The following ADGRV1 variants were observed in gnomAD, a reference collection of about 807,000 sequenced individuals.
ADGRV1 encodes adhesion G protein-coupled receptor V1.
Under a neutral mutation model 596.2 loss-of-function variants are expected in ADGRV1, and 359 were observed. The ratio of observed to expected loss-of-function variants is 0.60; its 90% CI spans 0.55 to 0.66. The LOEUF (loss-of-function observed/expected upper bound fraction) is 0.66, where lower values mean the gene tolerates loss of function less well. Ranked by LOEUF, ADGRV1 falls within the 30% of genes least tolerant of loss-of-function variation. The pLI, the probability that ADGRV1 is intolerant of heterozygous loss-of-function variation, is 0.00. For missense variants in ADGRV1, 7,274 were observed against 7,575.6 expected (o/e 0.96, Z 1.48); for synonymous variants, 2,681 against 2,679.2 (o/e 1.00, Z -0.02).
intron 85 of ADGRV1, among the ~76,000 whole-genome samples, chr5:91,066,491 G>C (rs1435286247): frequency 6.6e-6 from 1 of 152,104 alleles, no homozygotes; most frequent in African/African-American, 2.4e-5. Flanking sequence ...TACAGCAGTA[G>C]AAATTTTATT....
At position 90,811,045 on chromosome 5, in the gene ADGRV1, T is replaced by A. The variant is rs1561782766; in HGVS notation, c.15785T>A (p.Phe5262Tyr). Residue 5262 changes from phenylalanine (F) to tyrosine (Y), a missense_variant, in exon 74 of 90, where the codon TTC (phenylalanine) becomes TAC (tyrosine). By Grantham distance (22) the Phe-to-Tyr change is conservative. Coordinates refer to ENST00000405460, the MANE Select transcript of ADGRV1 (RefSeq NM_032119.4). ...AATGTCAGCATAACAGTTAAAACTT[T>A]CGGTGAAAGATGTGCTCAGATGGAA... ...TGNVSITVKT[F>Y]GERCAQMEPN... 6.2e-7 allele frequency: 1 copy of A among 1,614,032 alleles called. No homozygotes were observed. Among genetic ancestry groups the A allele is most frequent in the Non-Finnish European group, 8.5e-7 (1 of 1,179,904 alleles).
At chr5:91,096,937 T>C (rs1380557853) in intron 86 of ADGRV1, among the ~76,000 whole-genome samples, 1 of 152,222 alleles carries the variant, frequency 6.6e-6, no homozygotes, top group East Asian at 1.9e-4. Context: ...AATTTGCCTA[T>C]TCTAGGCACC....
At chr5:90,787,216 T>C (rs1447676059) in intron 67 of ADGRV1, among the ~76,000 whole-genome samples, 1 of 152,216 alleles carries the variant, frequency 6.6e-6, no homozygotes, top group Non-Finnish European at 1.5e-5. Flanking sequence ...CCCAATGTTC[T>C]TTCTTTGTAG....
Position 91,159,001 on chromosome 5 carries a change from G to A in ADGRV1, c.18803-4781G>A, listed in dbSNP as rs114398876. On this transcript the variant is annotated intron_variant, in intron 89 of 89. Transcript: ENST00000405460. ...CTCCCTTACAATTCATCATCTTTCA[G>A]TTAGGAATAATGTTCAGATATTCAA... Among the ~76,000 whole-genome samples, 840 of 152,240 alleles carry A rather than the reference G, an allele frequency of 5.5e-3. 9 individuals carry two copies. The highest frequency in any genetic ancestry group is 0.019 in the African/African-American group (805 of 41,524).
At chr5:91,125,137 G>C (rs1793639141) in intron 87 of ADGRV1, among the ~76,000 whole-genome samples, 1 of 152,172 alleles carries the variant, frequency 6.6e-6, no homozygotes, top group Admixed American at 6.5e-5. Context: ...GTCACACACT[G>C]CCTTTCTTTC....
At chr5:90,677,765 G>T (rs187587918) in intron 25 of ADGRV1, among the ~76,000 whole-genome samples, 1 of 152,158 alleles carries the variant, frequency 6.6e-6, no homozygotes, top group Non-Finnish European at 1.5e-5. Context: ...TTGCAGTTGC[G>T]TAGGAAGCAA....
At chr5:91,039,094 TAA>T (rs1785130905) in intron 85 of ADGRV1, among the ~76,000 whole-genome samples, 1 of 152,216 alleles carries the variant, frequency 6.6e-6, no homozygotes. Context: ...TTCCAATATA[TAA>T]GTTATTCCTT....
At chr5:90,758,679 G>C (rs987112792) in intron 57 of ADGRV1, among the ~76,000 whole-genome samples, 1 of 152,140 alleles carries the variant, frequency 6.6e-6, no homozygotes, top group African/African-American at 2.4e-5. Flanking sequence ...TTAAATTAAA[G>C]ATTTTAGGTA....
At chr5:90,929,909 A>AT (rs1279700485) in intron 83 of ADGRV1, among the ~76,000 whole-genome samples, 7 of 152,280 alleles carry the variant, frequency 4.6e-5, no homozygotes, top group African/African-American at 1.7e-4. Context: ...TTAAGAAATC[A>AT]TTTTTAAGAA....
intron 72 of ADGRV1, among the ~76,000 whole-genome samples, chr5:90,805,692 A>G (rs563099861): frequency 1.3e-5 from 2 of 152,340 alleles, no homozygotes; most frequent in South Asian, 2.1e-4. Context: ...TCACTAAGCA[A>G]ACTACTCTGT....
chr5:90,689,454 A>G (rs1352978181), intron 29 of ADGRV1, among the ~76,000 whole-genome samples: 2 of 149,564 alleles, frequency 1.3e-5, no homozygotes, highest in African/African-American at 5.0e-5. Flanking sequence ...TAGCGTTCCC[A>G]TATCTGTGCA....
intron 78 of ADGRV1, among the ~76,000 whole-genome samples, chr5:90,844,602 T>A (rs1311823784): frequency 1.3e-5 from 2 of 152,208 alleles, no homozygotes; most frequent in African/African-American, 2.4e-5. Flanking sequence ...AAAACCCCCC[T>A]GAATCTGATA....
chr5:90,683,030 C>T (rs998587903), intron 27 of ADGRV1, among the ~76,000 whole-genome samples: 1 of 152,174 alleles, frequency 6.6e-6, no homozygotes, highest in East Asian at 1.9e-4. Flanking sequence ...GAAATATATA[C>T]CATTTTTGCA....
rs1305870988 is a variant in ADGRV1, at chr5:90,811,300, A to G, written c.16040A>G (p.Asp5347Gly). 1.2e-6 allele frequency: 2 copies of G among 1,610,188 alleles called. No individual in the cohort carries two copies. The highest frequency in any genetic ancestry group is 1.3e-5 in the African/African-American group (1 of 74,940). The stretch of plus-strand genomic sequence containing the variant: ...GCACAGATTGTGGAGGAGAAGGATG[A>G]TACTGGATTTGCAGCTTTTGCCATG... Reference protein sequence around the residue: ...GGAQIVEEKDDTGFAAFAMVI... With the variant: ...GGAQIVEEKDGTGFAAFAMVI... The change falls in exon 74 of 90, where the codon GAT becomes GGT. Residue 5347 changes from aspartate (D) to glycine (G), a missense_variant. By Grantham distance (94) the Asp-to-Gly change is moderately conservative. Coordinates refer to ENST00000405460, the MANE Select transcript of ADGRV1 (RefSeq NM_032119.4).
intron 47 of ADGRV1, 93 bp downstream of exon 47, chr5:90,725,325 T>A (rs989889603): frequency 2.2e-6 from 2 of 911,940 alleles, no homozygotes; most frequent in Non-Finnish European, 3.2e-6. Context: ...GTATGTTTTA[T>A]GTTAATGTGA....
At chr5:90,894,174 T>C (rs1275156610) in intron 83 of ADGRV1, among the ~76,000 whole-genome samples, 2 of 152,200 alleles carry the variant, frequency 1.3e-5, no homozygotes, top group Non-Finnish European at 2.9e-5. Context: ...AGTAAAATCA[T>C]TGTGCCCCAC....
chr5:90,700,071 CAAAA>C (rs1406702396), intron 34 of ADGRV1, among the ~76,000 whole-genome samples: 1 of 151,690 alleles, frequency 6.6e-6, no homozygotes, highest in East Asian at 1.9e-4. Context: ...TTATTTTTTT[CAAAA>C]ACATATTAAG....
At chr5:91,042,790 A>G (rs1463960246) in intron 85 of ADGRV1, among the ~76,000 whole-genome samples, 1 of 152,144 alleles carries the variant, frequency 6.6e-6, no homozygotes, top group Non-Finnish European at 1.5e-5. Context: ...ATTTTAACAA[A>G]CTTGTGCTTG....
chr5:90,626,066 A>C (rs1764714644), intron 6 of ADGRV1: 1 of 152,214 alleles, frequency 6.6e-6, no homozygotes. Context: ...TAAACGAGAG[A>C]AAACATGACT....
Sources: allele counts gnomAD v4.1 joint callset (sites outside exome capture counted in the v4.1 genomes callset), GRCh38; gene constraint gnomAD v4.1.1; transcripts MANE v1.5; gene names NCBI Gene and HGNC (gene_info 2026-07-23, HGNC 2026-07-21).